WARS2: variants seen among roughly 807,000 people sequenced by gnomAD.
WARS2 encodes tryptophan--tRNA ligase, mitochondrial.
In WARS2, 28 loss-of-function variants were observed where a neutral mutation model predicts 36.5. That is an observed-to-expected ratio of 0.77 (90% CI 0.57 to 1.05). The LOEUF is 1.05. Ranked by LOEUF, WARS2 falls within the 50% of genes least tolerant of loss-of-function variation. The pLI is 0.00. For missense variants in WARS2, 435 were observed against 456.8 expected, an observed-to-expected ratio of 0.95 and a Z score of 0.44; for synonymous variants, 174 against 178.4, an observed-to-expected ratio of 0.98 and a Z score of 0.20.
intron 1 of WARS2, among the ~76,000 whole-genome samples, chr1:119,122,946 A>T (rs147558255): frequency 2.0e-5 from 3 of 152,300 alleles, no homozygotes; most frequent in African/African-American, 4.8e-5. Context: ...AGAAGAAAAA[A>T]TCAGCTCTCT....
intron 1 of WARS2, among the ~76,000 whole-genome samples, chr1:119,087,459 A>T (rs1652758304): frequency 1.3e-5 from 2 of 152,218 alleles, no homozygotes; most frequent in African/African-American, 4.8e-5. Flanking sequence ...GAAACTCAGA[A>T]ATTGGGTTCT....
At chr1:119,091,982 T>G (rs1370063058) in intron 1 of WARS2, among the ~76,000 whole-genome samples, 1 of 152,186 alleles carries the variant, frequency 6.6e-6, no homozygotes, top group African/African-American at 2.4e-5. Flanking sequence ...TTTCTTTATT[T>G]AATCATTTCA....
At chr1:119,053,895 A>AT (rs1484373236) in intron 2 of WARS2, among the ~76,000 whole-genome samples, 4 of 150,666 alleles carry the variant, frequency 2.7e-5, no homozygotes, top group East Asian at 2.0e-4. Flanking sequence ...CCCCCAACCA[A>AT]TTTTTTTTTA....
At chr1:119,069,202 T>C (rs1476415304) in intron 2 of WARS2, among the ~76,000 whole-genome samples, 2 of 152,182 alleles carry the variant, frequency 1.3e-5, no homozygotes, top group Admixed American at 6.5e-5. Flanking sequence ...ACAACGAATA[T>C]AGCTGAAAAA....
chr1:119,139,344 A>C (rs1656765284), intron 1 of WARS2, among the ~76,000 whole-genome samples: 1 of 152,232 alleles, frequency 6.6e-6, no homozygotes, highest in Non-Finnish European at 1.5e-5. Flanking sequence ...ACGGAAGTTC[A>C]AAAAATTTAT....
chr1:119,135,742 A>ATAGATAGG (rs1656449137), intron 1 of WARS2, among the ~76,000 whole-genome samples: 1 of 115,318 alleles, frequency 8.7e-6, no homozygotes, highest in African/African-American at 2.9e-5. Context: ...AGATAGATAG[A>ATAGATAGG]TAGATAGATA....
intron 1 of WARS2, among the ~76,000 whole-genome samples, chr1:119,123,396 C>T (rs587695621): frequency 8.2e-4 from 125 of 152,258 alleles, no homozygotes; most frequent in Middle Eastern, 6.8e-3. Context: ...TAATGAACTC[C>T]CTTTGCTCTG....
intron 3 of WARS2, 131 bp from the exon 4 acceptor site, chr1:119,042,480 C>A: frequency 1.3e-6 from 1 of 742,746 alleles, no homozygotes; most frequent in East Asian, 2.7e-5. Context: ...CATTATACAT[C>A]GGTTCCTTTT....
chr1:119,050,136 C>T (rs1287978754), intron 2 of WARS2, among the ~76,000 whole-genome samples: 3 of 152,228 alleles, frequency 2.0e-5, no homozygotes, highest in Non-Finnish European at 4.4e-5. Flanking sequence ...TCCCCTTTGT[C>T]CCTCTTCTCC....
At chr1:119,098,612 T>G (rs1653632477) in intron 1 of WARS2, among the ~76,000 whole-genome samples, 1 of 151,902 alleles carries the variant, frequency 6.6e-6, no homozygotes, top group African/African-American at 2.4e-5. Context: ...TAATTTTTGT[T>G]ATTTTTAGTA....
At chr1:119,137,988 G>C (rs1479747154) in intron 1 of WARS2, among the ~76,000 whole-genome samples, 1 of 152,184 alleles carries the variant, frequency 6.6e-6, no homozygotes, top group Non-Finnish European at 1.5e-5. Flanking sequence ...ACATAGCACT[G>C]TTATGGCTCA....
chr1:119,138,278 G>T (rs960140475), intron 1 of WARS2, among the ~76,000 whole-genome samples: 2 of 152,092 alleles, frequency 1.3e-5, no homozygotes, highest in African/African-American at 4.8e-5. Context: ...AAGAGAAAAA[G>T]AAGATACATA....
At chr1:119,066,364 G>C (rs1391280486) in intron 2 of WARS2, among the ~76,000 whole-genome samples, 2 of 151,498 alleles carry the variant, frequency 1.3e-5, no homozygotes, top group Middle Eastern at 3.4e-3. Flanking sequence ...TGTAGTCCCA[G>C]CTACTCGGGA....
rs180923269 is a variant in WARS2, at chr1:119,115,029, A to C, written c.90+25526T>G. ...GGCTCCAGTTGGTGTGAATAATGAG[A>C]TGTGGTTGTCAGATTTCTGGAAAGC... On this transcript the variant is annotated intron_variant, in intron 1 of 5. Transcript: ENST00000235521. Among the ~76,000 whole-genome samples the C allele has an allele frequency of 2.0e-3, 312 of 152,294 alleles. 1 individual carries two copies. Among genetic ancestry groups the C allele is most frequent in the South Asian group, 4.1e-3 (20 of 4,824 alleles).
intron 1 of WARS2, among the ~76,000 whole-genome samples, chr1:119,117,904 C>G (rs587602920): frequency 1.8e-4 from 28 of 152,304 alleles, no homozygotes; most frequent in Middle Eastern, 3.4e-3. Flanking sequence ...AATGGACCAC[C>G]CTGTGGGACC....
intron 4 of WARS2, among the ~76,000 whole-genome samples, chr1:119,040,188 G>A (rs190269903): frequency 4.6e-5 from 7 of 152,342 alleles, no homozygotes; most frequent in Non-Finnish European, 7.3e-5. Context: ...AAAAAGTGCT[G>A]TAGACCCATA....
chr1:119,072,114 T>C (rs1361775629), intron 2 of WARS2, among the ~76,000 whole-genome samples: 2 of 152,214 alleles, frequency 1.3e-5, no homozygotes, highest in Non-Finnish European at 2.9e-5. Context: ...AAGACTAGTT[T>C]ATTCACTTAT....
intron 5 of WARS2, among the ~76,000 whole-genome samples, 191 bp downstream of exon 5, chr1:119,033,904 T>C (rs180728579): frequency 6.6e-6 from 1 of 152,326 alleles, no homozygotes; most frequent in Admixed American, 6.5e-5. Flanking sequence ...ATCCAACATC[T>C]TTTTCAGGAA....
chr1:119,136,800 G>T (rs775164438), intron 1 of WARS2, among the ~76,000 whole-genome samples: 6 of 152,202 alleles, frequency 3.9e-5, no homozygotes, highest in Admixed American at 1.3e-4. Context: ...ACCATTGTGT[G>T]ACATTGGGCA....
Sources: allele counts gnomAD v4.1 joint callset (sites outside exome capture counted in the v4.1 genomes callset), GRCh38; gene constraint gnomAD v4.1.1; transcripts MANE v1.5; gene names NCBI Gene and HGNC (gene_info 2026-07-23, HGNC 2026-07-21).